The following EXOC6B variants were observed in gnomAD, a reference collection of about 807,000 sequenced individuals.
The protein encoded by EXOC6B is SEC15 homolog B.
In EXOC6B, 54 loss-of-function variants were observed where a neutral mutation model predicts 113.5. That is an observed-to-expected ratio of 0.48 (90% CI 0.38 to 0.60). EXOC6B has a LOEUF of 0.60. EXOC6B is among the 20% of genes least tolerant of loss of function. The pLI is 0.00. For synonymous variants in EXOC6B, 357 were observed against 339.0 expected (o/e 1.05, Z -0.58); for missense variants, 797 against 977.5 (o/e 0.82, Z 2.46).
intron 20 of EXOC6B, among the ~76,000 whole-genome samples, chr2:72,327,329 T>C (rs960373401): frequency 6.6e-6 from 1 of 151,916 alleles, no homozygotes; most frequent in Non-Finnish European, 1.5e-5. Context: ...CCCTTCCCCA[T>C]TAAAATAAAA....
At chr2:72,346,171 A>G (rs971428901) in intron 19 of EXOC6B, among the ~76,000 whole-genome samples, 2 of 152,180 alleles carry the variant, frequency 1.3e-5, no homozygotes. Flanking sequence ...TTTTTTCTAA[A>G]GTTCAATTCT....
chr2:72,633,919 G>A (rs1468561262), intron 6 of EXOC6B, among the ~76,000 whole-genome samples: 1 of 152,156 alleles, frequency 6.6e-6, no homozygotes, highest in Non-Finnish European at 1.5e-5. Flanking sequence ...GTAGAGCAGG[G>A]ATCTGACTTA....
At chr2:72,537,194 G>A (rs1176487888) in intron 8 of EXOC6B, among the ~76,000 whole-genome samples, 9 of 151,802 alleles carry the variant, frequency 5.9e-5, no homozygotes, top group Non-Finnish European at 1.5e-5. Context: ...CCTAGCATTT[G>A]TCTTTATCTT....
chr2:72,441,794 A>G (rs1018357913), intron 18 of EXOC6B, among the ~76,000 whole-genome samples: 5 of 152,314 alleles, frequency 3.3e-5, no homozygotes, highest in South Asian at 2.1e-4. Flanking sequence ...CCAGGACCAG[A>G]CAGATTCACA....
At chr2:72,254,835 T>C (rs940856854) in intron 20 of EXOC6B, among the ~76,000 whole-genome samples, 2 of 152,194 alleles carry the variant, frequency 1.3e-5, no homozygotes, top group African/African-American at 2.4e-5. Flanking sequence ...AATGAATTTG[T>C]ATATCAAGCT....
intron 19 of EXOC6B, among the ~76,000 whole-genome samples, chr2:72,366,212 G>A: frequency 6.6e-6 from 1 of 151,532 alleles, no homozygotes; most frequent in South Asian, 2.1e-4. Flanking sequence ...ACAAGGTAGA[G>A]GAACAGGAAT....
intron 6 of EXOC6B, among the ~76,000 whole-genome samples, chr2:72,670,295 C>T (rs1007359504): frequency 2.6e-5 from 4 of 152,040 alleles, no homozygotes; most frequent in Non-Finnish European, 5.9e-5. Flanking sequence ...TTTAGGGCAT[C>T]ATATTTTTGT....
At chr2:72,343,816 C>T (rs1246779739) in intron 19 of EXOC6B, among the ~76,000 whole-genome samples, 2 of 151,818 alleles carry the variant, frequency 1.3e-5, no homozygotes, top group Non-Finnish European at 2.9e-5. Context: ...TGTCTGGCCT[C>T]CAAAGTTTGT....
rs1326529543 is a variant in EXOC6B at position 72,483,488 on chromosome 2, T to C, written c.1666-2738A>G. 2.0e-5 allele frequency among the ~76,000 whole-genome samples: 3 copies of C among 152,238 alleles called. No individual in the cohort carries two copies. In the East Asian group the frequency reaches 5.8e-4, roughly 29 times the overall value. Reference sequence around the variant, plus strand: ...TTAAAGAAAAAAAAGGGAGGTGGCTTCACTGGGTACAGTAGTAATTTCCCA... The same window carrying C: ...TTAAAGAAAAAAAAGGGAGGTGGCTCCACTGGGTACAGTAGTAATTTCCCA... On this transcript the variant is annotated intron_variant, in intron 16 of 21. Coordinates refer to ENST00000272427, the MANE Select transcript of EXOC6B (RefSeq NM_015189.3).
chr2:72,335,439 A>C (rs1215029156), intron 19 of EXOC6B: 1 of 163,552 alleles, frequency 6.1e-6, no homozygotes, highest in African/African-American at 2.4e-5. Flanking sequence ...GAATTTTCTA[A>C]TTTCACGCTT....
intron 11 of EXOC6B, among the ~76,000 whole-genome samples, chr2:72,512,719 G>T (rs551025212): frequency 6.6e-6 from 1 of 151,956 alleles, no homozygotes; most frequent in South Asian, 2.1e-4. Flanking sequence ...GTTTCAATCC[G>T]ACTTCTACTT....
intron 13 of EXOC6B, among the ~76,000 whole-genome samples, chr2:72,496,948 C>T (rs1043915531): frequency 1.5e-5 from 2 of 137,836 alleles, no homozygotes; most frequent in East Asian, 4.3e-4. Flanking sequence ...TATAAATGTA[C>T]ATTATTATTA....
chr2:72,258,250 T>A (rs1573107552), intron 20 of EXOC6B, among the ~76,000 whole-genome samples: 2 of 152,182 alleles, frequency 1.3e-5, no homozygotes, highest in African/African-American at 4.8e-5. Context: ...TGTGAGCTCC[T>A]TAACGACAGG....
chr2:72,524,787 A>G (rs1701676317), intron 8 of EXOC6B, among the ~76,000 whole-genome samples: 1 of 152,224 alleles, frequency 6.6e-6, no homozygotes, highest in African/African-American at 2.4e-5. Context: ...CTAAACTTCA[A>G]GAGCCACAAC....
intron 19 of EXOC6B, among the ~76,000 whole-genome samples, chr2:72,351,883 T>C (rs566662269): frequency 6.6e-6 from 1 of 152,312 alleles, no homozygotes; most frequent in East Asian, 1.9e-4. Flanking sequence ...ATAACTTATC[T>C]TTCCATGAAT....
At chr2:72,488,982 A>G (rs1302999630) in intron 16 of EXOC6B, among the ~76,000 whole-genome samples, 1 of 151,832 alleles carries the variant, frequency 6.6e-6, no homozygotes, top group Admixed American at 6.6e-5. Flanking sequence ...TGCTCACTCC[A>G]CTCCAGCTAC....
At chr2:72,601,017 A>G (rs1670389617) in intron 6 of EXOC6B, among the ~76,000 whole-genome samples, 1 of 152,132 alleles carries the variant, frequency 6.6e-6, no homozygotes, top group African/African-American at 2.4e-5. Context: ...AAATAATCAC[A>G]TATAAAGATG....
At chr2:72,183,021 C>T in intron 21 of EXOC6B, 1 of 517,106 alleles carries the variant, frequency 1.9e-6, no homozygotes, top group Non-Finnish European at 3.0e-6. Context: ...CTCTTGGCTC[C>T]AAATACATAC....
At chr2:72,317,868 G>A (rs1431747524) in intron 20 of EXOC6B, among the ~76,000 whole-genome samples, 2 of 152,086 alleles carry the variant, frequency 1.3e-5, no homozygotes, top group Non-Finnish European at 2.9e-5. Flanking sequence ...ATTGCTATAA[G>A]GAGCCTGCTG....
Sources: allele counts gnomAD v4.1 joint callset (sites outside exome capture counted in the v4.1 genomes callset), GRCh38; gene constraint gnomAD v4.1.1; transcripts MANE v1.5; gene names NCBI Gene and HGNC (gene_info 2026-07-23, HGNC 2026-07-21).